Variants in NPAS2 observed in about 807,000 individuals in gnomAD.
NPAS2 encodes the protein neuronal PAS domain-containing protein 2.
NPAS2 carries 23 observed loss-of-function variants against 107.5 expected under a neutral mutation model. The ratio of observed to expected loss-of-function variants is 0.21; its 90% CI spans 0.15 to 0.30. The LOEUF (loss-of-function observed/expected upper bound fraction) is 0.30. NPAS2 is among the 10% of genes least tolerant of loss of function. NPAS2 has a pLI of 1.00. For missense variants in NPAS2, 756 were observed against 1,043.3 expected (o/e 0.72, Z 3.79); for synonymous variants, 403 against 417.5 (o/e 0.97, Z 0.42).
chr2:100,842,081 G>GCGCGTGCACACACACACACACACACA, intron 1 of NPAS2, among the ~76,000 whole-genome samples: 1 of 148,798 alleles, frequency 6.7e-6, no homozygotes, highest in Admixed American at 6.7e-5. Flanking sequence ...GCATGTACGC[G>GCGCGTGCACACACACACACACACACA]CACACACACA....
intron 2 of NPAS2, among the ~76,000 whole-genome samples, chr2:100,909,817 T>A (rs1682429373): frequency 6.6e-6 from 1 of 152,154 alleles, no homozygotes; most frequent in Admixed American, 6.5e-5. Flanking sequence ...TTCGTGTATA[T>A]TACCTTGTAA....
At chr2:100,822,007 C>T (rs909251083) in intron 1 of NPAS2, among the ~76,000 whole-genome samples, 10 of 152,202 alleles carry the variant, frequency 6.6e-5, no homozygotes, top group African/African-American at 2.4e-4. Flanking sequence ...TTCCATCTCA[C>T]AGAGAGATGT....
chr2:100,934,183 T>C (rs923516605), intron 4 of NPAS2: 1 of 152,240 alleles, frequency 6.6e-6, no homozygotes, highest in Non-Finnish European at 1.5e-5. Context: ...TAAAGCAGCT[T>C]GTGAAATGTT....
In NPAS2 at chr2:100,820,213, G is replaced by A. The variant is rs1370593731; in HGVS notation, c.-224G>A. The A allele has an allele frequency of 1.3e-5, 2 of 150,024 alleles. No individual in the cohort carries two copies. The highest frequency in any genetic ancestry group is 4.9e-5 in the African/African-American group (2 of 40,910). 9.3% of individuals were successfully genotyped at this position (150,024 alleles called of 1,614,324 possible). ...AGGGACCCGCGCGGCTGCGGCCCAGGAGCGGCGGCCGCGGAGCCCGGAGAC... is the reference window on the plus strand; with the variant it reads ...AGGGACCCGCGCGGCTGCGGCCCAGAAGCGGCGGCCGCGGAGCCCGGAGAC... On this transcript the variant is annotated 5_prime_UTR_variant, in exon 1 of 21. Coordinates refer to ENST00000335681, the MANE Select transcript of NPAS2 (RefSeq NM_002518.4). The surrounding 1 kb of genome is among the most constrained non-coding windows in gnomAD (Gnocchi z 5.6).
At chr2:100,938,228 T>C (rs888642195) in intron 5 of NPAS2, among the ~76,000 whole-genome samples, 1 of 152,120 alleles carries the variant, frequency 6.6e-6, no homozygotes, top group Admixed American at 6.5e-5. Flanking sequence ...GGACAACAGA[T>C]GGCTTGGGTT....
At chr2:100,883,707 G>A (rs35600963) in intron 1 of NPAS2, among the ~76,000 whole-genome samples, 29,774 of 151,968 alleles carry the variant, frequency 0.2, 3,872 homozygotes, top group Non-Finnish European at 0.28. Context: ...TAGTACATGA[G>A]CTAAACAGCC....
rs759574541 is a variant in NPAS2 at position 100,988,059 on chromosome 2, C to T, written c.1630-20C>T. 6.2e-7 allele frequency: 1 copy of T among 1,610,362 alleles called. No individual in the cohort carries two copies. Among genetic ancestry groups the T allele is most frequent in the South Asian group, 1.1e-5 (1 of 90,922 alleles). On this transcript the variant is annotated intron_variant, in intron 16 of 20. Coordinates refer to ENST00000335681, the MANE Select transcript of NPAS2 (RefSeq NM_002518.4). ...GTACCCATGACCCCAACTTCACAGGCATTTCTATTCTGCTCCCAGATGTTC... is the reference window on the plus strand; with the variant it reads ...GTACCCATGACCCCAACTTCACAGGTATTTCTATTCTGCTCCCAGATGTTC...
At chr2:100,926,554 G>A (rs917190995) in intron 3 of NPAS2, among the ~76,000 whole-genome samples, 22 of 151,908 alleles carry the variant, frequency 1.4e-4, no homozygotes, top group Admixed American at 1.2e-3. Context: ...TTTCCTTTTC[G>A]TGATCTTTTC....
At chr2:100,866,147 G>T (rs922404351) in intron 1 of NPAS2, among the ~76,000 whole-genome samples, 2 of 152,212 alleles carry the variant, frequency 1.3e-5, no homozygotes, top group Admixed American at 1.3e-4. Flanking sequence ...TGAAAGATTG[G>T]AAGTGGAGTG....
In NPAS2 at chr2:100,979,480, C is replaced by CTATATATA. The variant is rs201705535; in HGVS notation, c.1482+1697_1482+1704dup. On this transcript the variant is annotated intron_variant, in intron 15 of 20. Coordinates refer to ENST00000335681, the MANE Select transcript of NPAS2 (RefSeq NM_002518.4). ...TCATGTGTACTATATTTAATAATAA[C>CTATATATA]TATATATATATATATATATATATTT... is the stretch of plus-strand genomic sequence containing the variant. 4.5e-3 allele frequency among the ~76,000 whole-genome samples: 289 copies of CTATATATA among 64,776 alleles called. 6 individuals are homozygous for CTATATATA. Among genetic ancestry groups the CTATATATA allele is most frequent in the East Asian group, 0.017 (26 of 1,520 alleles). The allele number at this position is 64,776 out of a possible 152,430, so 42.5% of individuals were successfully genotyped here. A position where few individuals can be genotyped will look rare whatever the true frequency, so the allele number is the denominator to read the frequency against.
intron 7 of NPAS2, among the ~76,000 whole-genome samples, chr2:100,960,665 A>G (rs1675864509): frequency 2.0e-5 from 3 of 152,018 alleles, no homozygotes; most frequent in Admixed American, 2.0e-4. Context: ...GCCATGTGCT[A>G]TGGGCACCTC....
At chr2:100,922,854 G>T (rs372476693) in intron 2 of NPAS2, among the ~76,000 whole-genome samples, 37 of 152,084 alleles carry the variant, frequency 2.4e-4, no homozygotes, top group Non-Finnish European at 4.0e-4. Context: ...AGCCTTCGTC[G>T]GAGTTGCTAC....
In NPAS2 at chr2:100,965,060, T is replaced by C; in HGVS notation, c.800+117T>C. On this transcript the variant is annotated intron_variant, in intron 9 of 20. Transcript: ENST00000335681. This position sits in a 1 kb window ranked among gnomAD's most constrained non-coding sequence, Gnocchi z 4.3. ...GGTCCATTGAAAGAGGAGGACTCTC[T>C]GGCACTAGGAAAAGTCGTCCCTGCC... 1 of 640,502 alleles carries C rather than the reference T, an allele frequency of 1.6e-6. No homozygotes were observed. The highest frequency in any genetic ancestry group is 2.6e-6 in the Non-Finnish European group (1 of 389,746). The allele number at this position is 640,502 out of a possible 1,614,324, so 39.7% of individuals were successfully genotyped here. A position where few individuals can be genotyped will look rare whatever the true frequency, so the allele number is the denominator to read the frequency against.
chr2:100,852,171 C>A lies in NPAS2; in HGVS notation c.-23+31757C>A, dbSNP rs58887490. On this transcript the variant is annotated intron_variant, in intron 1 of 20. Coordinates refer to ENST00000335681, the MANE Select transcript of NPAS2 (RefSeq NM_002518.4). ...CAGCACTTTGGGAGGTCAAGGCGGG[C>A]GGATCACGAGGTCAGGAGATCAAGA... 4.0e-5 allele frequency among the ~76,000 whole-genome samples: 6 copies of A among 151,782 alleles called. No individual in the cohort carries two copies. The East Asian group carries it at 7.8e-4, about 20-fold the overall frequency.
In NPAS2 at chr2:100,910,909, A is replaced by T. The variant is rs114787672; in HGVS notation, c.32+6123A>T. On this transcript the variant is annotated intron_variant, in intron 2 of 20. Coordinates refer to ENST00000335681, the MANE Select transcript of NPAS2 (RefSeq NM_002518.4). ...AACCGCATGGCCTCAGCATGCAGGG[A>T]TGCTGCCTGGGCTATGGAAGTGAGG... 5.2e-3 allele frequency among the ~76,000 whole-genome samples: 794 copies of T among 152,284 alleles called. 7 individuals are homozygous for T. The highest frequency in any genetic ancestry group is 0.018 in the African/African-American group (754 of 41,552).
chr2:100,945,128 T>C (rs1674807771), intron 5 of NPAS2, among the ~76,000 whole-genome samples: 1 of 152,154 alleles, frequency 6.6e-6, no homozygotes, highest in African/African-American at 2.4e-5. Context: ...AATGGTAGCA[T>C]AGACGAGAGA....
At chr2:100,909,682 A>T (rs1312613305) in intron 2 of NPAS2, among the ~76,000 whole-genome samples, 6 of 151,010 alleles carry the variant, frequency 4.0e-5, no homozygotes, top group Non-Finnish European at 7.4e-5. Context: ...CATCATCATA[A>T]GCTCCCACAC....
At chr2:100,852,785 A>G (rs1678286258) in intron 1 of NPAS2, among the ~76,000 whole-genome samples, 1 of 152,204 alleles carries the variant, frequency 6.6e-6, no homozygotes, top group South Asian at 2.1e-4. Context: ...AATCGCAAGT[A>G]TGGACCCTTT....
At chr2:100,853,755 A>G (rs556804770) in intron 1 of NPAS2, among the ~76,000 whole-genome samples, 3 of 152,256 alleles carry the variant, frequency 2.0e-5, no homozygotes, top group African/African-American at 7.2e-5. Flanking sequence ...GGGCATCTGC[A>G]GCCAGGTGGA....
Sources: allele counts gnomAD v4.1 joint callset (sites outside exome capture counted in the v4.1 genomes callset), GRCh38; gene constraint gnomAD v4.1.1; non-coding constraint Gnocchi (gnomAD v3.1); transcripts MANE v1.5; gene names NCBI Gene and HGNC (gene_info 2026-07-23, HGNC 2026-07-21).